TMPRSS4: variants seen among roughly 807,000 people sequenced by gnomAD.
TMPRSS4 encodes transmembrane protease serine 4.
Under a neutral mutation model 56.4 loss-of-function variants are expected in TMPRSS4, and 45 were observed. That is an observed-to-expected ratio of 0.80 (90% CI 0.63 to 1.02). The LOEUF (loss-of-function observed/expected upper bound fraction) is 1.02, where lower values mean the gene tolerates loss of function less well. Among genes scored for constraint, TMPRSS4 ranks in the 50% least tolerant of loss-of-function variants. The probability of loss-of-function intolerance (pLI) is 0.00; values close to 1 mark genes in which losing one functional copy is unlikely to be tolerated. For missense variants in TMPRSS4, 546 were observed against 556.7 expected, an observed-to-expected ratio of 0.98 and a Z score of 0.19; for synonymous variants, 205 against 211.0, an observed-to-expected ratio of 0.97 and a Z score of 0.25.
At chr11:118,103,379 T>G (rs1946826987) in intron 4 of TMPRSS4, 126 bp downstream of exon 4, 1 of 1,058,020 alleles carries the variant, frequency 9.5e-7, no homozygotes, top group Admixed American at 2.9e-5. Flanking sequence ...TAAGGTTCTT[T>G]GTTTGTTTGT....
At chr11:118,116,782 C>T (rs1361191317) in intron 11 of TMPRSS4, among the ~76,000 whole-genome samples, 2 of 140,614 alleles carry the variant, frequency 1.4e-5, no homozygotes, top group African/African-American at 5.5e-5. Context: ...GGTTTGATCT[C>T]GGCTCACTGC....
intron 1 of TMPRSS4, among the ~76,000 whole-genome samples, chr11:118,079,203 C>A (rs1392737158): frequency 6.6e-6 from 1 of 152,142 alleles, no homozygotes; most frequent in Non-Finnish European, 1.5e-5. Context: ...TGCTGAATAA[C>A]CCTGTCATTA....
At chr11:118,116,037 AG>A (rs11321650) in intron 11 of TMPRSS4, among the ~76,000 whole-genome samples, 82,286 of 152,072 alleles carry the variant, frequency 0.54, 22,423 homozygotes, top group Middle Eastern at 0.65. Flanking sequence ...ATTGGCCATC[AG>A]GACTGCTTAG....
chr11:118,090,574 C>T (rs551542524), intron 1 of TMPRSS4, among the ~76,000 whole-genome samples: 2 of 146,472 alleles, frequency 1.4e-5, no homozygotes, highest in East Asian at 2.0e-4. Flanking sequence ...TCCAGGAGTT[C>T]GAGACCAGCC....
At position 118,103,571 on chromosome 11, in the gene TMPRSS4, G is replaced by A. The variant is rs1443828439; in HGVS notation, c.310+318G>A. 9.9e-5 allele frequency among the ~76,000 whole-genome samples: 15 copies of A among 152,066 alleles called. 1 individual carries two copies. Among genetic ancestry groups the A allele is most frequent in the African/African-American group, 2.2e-4 (9 of 41,414 alleles). ...TAATTTTTATATTTTTAGTAGAGAC[G>A]GGGTTTTGCCACATTGGTCAGGCTG... On this transcript the variant is annotated intron_variant, in intron 4 of 12. Coordinates refer to ENST00000437212, the MANE Select transcript of TMPRSS4 (RefSeq NM_019894.4).
chr11:118,101,297 G>A (rs1386289227), intron 3 of TMPRSS4, among the ~76,000 whole-genome samples: 2 of 152,114 alleles, frequency 1.3e-5, no homozygotes, highest in Admixed American at 6.5e-5. Context: ...CTCCTGACAC[G>A]GTGACAAGCA....
intron 1 of TMPRSS4, among the ~76,000 whole-genome samples, chr11:118,087,395 T>C (rs995398019): frequency 4.6e-5 from 7 of 152,256 alleles, no homozygotes; most frequent in African/African-American, 1.2e-4. Context: ...CTGCCGCCTC[T>C]TCTTCCTCTC....
At chr11:118,094,979 C>T (rs1297705555) in intron 2 of TMPRSS4, 124 bp downstream of exon 2, 3 of 968,340 alleles carry the variant, frequency 3.1e-6, no homozygotes, top group South Asian at 2.8e-5. Context: ...CCATGAGTGA[C>T]ATCCAGTCAC....
chr11:118,096,856 A>G lies in TMPRSS4; in HGVS notation c.43+2001A>G, dbSNP rs866522961. Reference sequence around the variant, plus strand: ...GAAAGAAGGAAAGAAGGAAAGAAAGAAAGAAAGAAAGAAAGAAAGAAAGAA... The same window carrying G: ...GAAAGAAGGAAAGAAGGAAAGAAAGGAAGAAAGAAAGAAAGAAAGAAAGAA... On this transcript the variant is annotated intron_variant, in intron 2 of 12. Coordinates refer to ENST00000437212, the MANE Select transcript of TMPRSS4 (RefSeq NM_019894.4). 3.7e-3 allele frequency among the ~76,000 whole-genome samples: 114 copies of G among 30,516 alleles called. 5 individuals are homozygous for G. Among genetic ancestry groups the G allele is most frequent in the African/African-American group, 0.015 (104 of 7,002 alleles). The allele number at this position is 30,516 out of a possible 152,430, so 20.0% of individuals were successfully genotyped here. A position where few individuals can be genotyped will look rare whatever the true frequency, so the allele number is the denominator to read the frequency against.
chr11:118,100,305 T>C (rs764426492), intron 3 of TMPRSS4, among the ~76,000 whole-genome samples: 4 of 152,218 alleles, frequency 2.6e-5, no homozygotes, highest in Non-Finnish European at 5.9e-5. Context: ...CATTTGCTAA[T>C]TGGGGCAGGA....
Position 118,118,379 on chromosome 11 carries a change from T to C in TMPRSS4, c.*466T>C, listed in dbSNP as rs1227354309. The C allele has an allele frequency of 9.9e-7, 1 of 1,006,358 alleles. No homozygotes were observed. Among genetic ancestry groups the C allele is most frequent in the East Asian group, 1.0e-4 (1 of 9,658 alleles). 62.3% of individuals were successfully genotyped at this position (1,006,358 alleles called of 1,614,324 possible). On this transcript the variant is annotated 3_prime_UTR_variant, in exon 13 of 13. Transcript: ENST00000437212. Reference sequence around the variant, plus strand: ...AAAATGCACTGCCCTACTGTTGGTATGACTACCGTTACCTACTGTTGTCAT... The same window carrying C: ...AAAATGCACTGCCCTACTGTTGGTACGACTACCGTTACCTACTGTTGTCAT...
intron 1 of TMPRSS4, among the ~76,000 whole-genome samples, chr11:118,087,053 A>C (rs1591352041): frequency 6.7e-6 from 1 of 148,174 alleles, no homozygotes; most frequent in African/African-American, 2.5e-5. Flanking sequence ...CCTAACTGCC[A>C]CCTGCCCAAG....
intron 12 of TMPRSS4, 46 bp downstream of exon 12, chr11:118,117,500 T>C: frequency 6.4e-7 from 1 of 1,574,218 alleles, no homozygotes; most frequent in South Asian, 1.2e-5. Flanking sequence ...TCCAGTCCTC[T>C]ACCTGGGGGG....
chr11:118,118,086 C>A lies in TMPRSS4; in HGVS notation c.*173C>A, dbSNP rs113537305. ...CAATTCCTATAAGAGACCCTCGCAG[C>A]CCAGAGGCGCCCAGAGGAAGTCAGC... On this transcript the variant is annotated 3_prime_UTR_variant, in exon 13 of 13. Coordinates refer to ENST00000437212, the MANE Select transcript of TMPRSS4 (RefSeq NM_019894.4). 1.9e-5 allele frequency: 27 copies of A among 1,444,494 alleles called. No individual in the cohort carries two copies. In the African/African-American group the frequency reaches 2.4e-4, roughly 13 times the overall value. The allele number at this position is 1,444,494 out of a possible 1,614,324, so 89.5% of individuals were successfully genotyped here. A position where few individuals can be genotyped will look rare whatever the true frequency, so the allele number is the denominator to read the frequency against.
chr11:118,117,895 A>T lies in TMPRSS4; in HGVS notation c.1303-7A>T, dbSNP rs201469301. 3 of 1,613,740 alleles carry T rather than the reference A, an allele frequency of 1.9e-6. No homozygotes were observed. Among genetic ancestry groups the T allele is most frequent in the Middle Eastern group, 1.8e-4 (1 of 5,694 alleles). ...GACTTTCTCTTCATCGGTCTCTCTTATTCTAGGCTGAGCTGTAATGCTGCT... is the reference window on the plus strand; with the variant it reads ...GACTTTCTCTTCATCGGTCTCTCTTTTTCTAGGCTGAGCTGTAATGCTGCT... On this transcript the variant is annotated splice_polypyrimidine_tract_variant and splice_region_variant and intron_variant, in intron 12 of 12. Coordinates refer to ENST00000437212, the MANE Select transcript of TMPRSS4 (RefSeq NM_019894.4).
intron 5 of TMPRSS4, chr11:118,105,724 AG>A (rs1486698471): frequency 6.6e-6 from 1 of 152,174 alleles, no homozygotes; most frequent in East Asian, 1.9e-4. Flanking sequence ...TATCTCTGGC[AG>A]GCCTCAGATT....
intron 7 of TMPRSS4, among the ~76,000 whole-genome samples, chr11:118,109,147 A>G (rs1027699777): frequency 3.9e-5 from 6 of 152,126 alleles, no homozygotes; most frequent in African/African-American, 1.4e-4. Context: ...ACCTAAGTGG[A>G]GACCTGGGAG....
rs114873863 is a variant in TMPRSS4, at chr11:118,079,595, C to T, written c.3+2290C>T. On this transcript the variant is annotated intron_variant, in intron 1 of 12. Transcript: ENST00000437212. Reference sequence around the variant, plus strand: ...CTCATTACTGTTCCGGAGACCTAAACGCACCCTGAGCCACCAGACGTGGGT... The same window carrying T: ...CTCATTACTGTTCCGGAGACCTAAATGCACCCTGAGCCACCAGACGTGGGT... Among the ~76,000 whole-genome samples, 1,174 of 152,314 alleles carry T rather than the reference C, an allele frequency of 7.7e-3. 15 individuals are homozygous for T. Among genetic ancestry groups the T allele is most frequent in the African/African-American group, 0.027 (1,128 of 41,556 alleles).
Position 118,108,906 on chromosome 11 carries a change from C to T in TMPRSS4, c.583+10C>T, listed in dbSNP as rs1469292624. The T allele has an allele frequency of 6.2e-7, 1 of 1,613,516 alleles. No individual in the cohort carries two copies. The highest frequency in any genetic ancestry group is 8.5e-7 in the Non-Finnish European group (1 of 1,179,746). ...TCCCTGCACTGTCTTGGTGAGTACCCCCAATCTCTGAGGGTTTGGGGCCTG... is the reference window on the plus strand; with the variant it reads ...TCCCTGCACTGTCTTGGTGAGTACCTCCAATCTCTGAGGGTTTGGGGCCTG... On this transcript the variant is annotated intron_variant, in intron 7 of 12. Transcript: ENST00000437212.
Sources: gnomAD v4.1 joint callset for allele counts (sites outside exome capture counted in the v4.1 genomes callset) on GRCh38, gnomAD v4.1.1 for gene constraint, MANE v1.5 for transcripts, NCBI Gene and HGNC (gene_info 2026-07-23, HGNC 2026-07-21) for gene names.